TOGARAM2: variants seen among roughly 807,000 people sequenced by gnomAD.
TOGARAM2 encodes TOG array regulator of axonemal microtubules protein 2.
TOGARAM2 carries 85 observed loss-of-function variants against 93.3 expected under a neutral mutation model. The ratio of observed to expected loss-of-function variants is 0.91; its 90% confidence interval spans 0.76 to 1.09. TOGARAM2 has a LOEUF of 1.09. Ranked by LOEUF, TOGARAM2 falls within the 50% of genes least tolerant of loss-of-function variation. The probability of loss-of-function intolerance (pLI) is 0.00; values close to 1 mark genes in which losing one functional copy is unlikely to be tolerated. For missense variants in TOGARAM2, 1,277 were observed against 1,334.5 expected (o/e 0.96, Z 0.67); for synonymous variants, 593 against 552.8 (o/e 1.07, Z -1.02).
Position 29,038,405 on chromosome 2 carries a change from A to G in TOGARAM2, c.2635+1648A>G, listed in dbSNP as rs1666245882. On this transcript the variant is annotated intron_variant, in intron 18 of 19. Transcript: ENST00000379558. The stretch of plus-strand genomic sequence containing the variant: ...AATGGTGTGGCCCTCAAAGGGATGA[A>G]TGGAGTCCAGTAAATCCCTGGCAAA... Among the ~76,000 whole-genome samples the G allele has an allele frequency of 3.3e-5, 5 of 152,304 alleles. No individual in the cohort carries two copies. The South Asian group carries it at 1.0e-3, about 32-fold the overall frequency.
In TOGARAM2 at chr2:29,002,535, G is replaced by C; in HGVS notation, c.428-1G>C. 6.2e-7 allele frequency: 1 copy of C among 1,612,722 alleles called. No individual in the cohort carries two copies. On this transcript the variant is annotated splice_acceptor_variant, in intron 4 of 19. Coordinates refer to ENST00000379558, the MANE Select transcript of TOGARAM2 (RefSeq NM_199280.4). LOFTEE classifies it high-confidence loss of function. ...GATTTCCCATCCCCATCCCTGTACAGCCTCTCTGGATCCAGGGGGAGGCCC... is the reference window on the plus strand; with the variant it reads ...GATTTCCCATCCCCATCCCTGTACACCCTCTCTGGATCCAGGGGGAGGCCC...
upstream of TOGARAM2, among the ~76,000 whole-genome samples, chr2:28,979,999 G>A (rs1672117645): frequency 1.3e-5 from 2 of 152,160 alleles, no homozygotes; most frequent in South Asian, 4.1e-4. Flanking sequence ...TGTGGCTTGG[G>A]GCAAGGGCTT....
chr2:28,980,579 C>T (rs1307025510), upstream of TOGARAM2, among the ~76,000 whole-genome samples: 1 of 152,212 alleles, frequency 6.6e-6, no homozygotes, highest in Non-Finnish European at 1.5e-5. Context: ...AGGAGTGGGA[C>T]TGGCTGTCAT....
intron 18 of TOGARAM2, among the ~76,000 whole-genome samples, chr2:29,040,988 A>G (rs1444354899): frequency 3.3e-5 from 5 of 150,926 alleles, no homozygotes; most frequent in Non-Finnish European, 7.4e-5. Context: ...AAAAAATCAT[A>G]GCATAAGCAT....
intron 6 of TOGARAM2, among the ~76,000 whole-genome samples, chr2:29,004,989 T>C (rs1558421199): frequency 7.8e-6 from 1 of 128,240 alleles, no homozygotes; most frequent in Non-Finnish European, 1.7e-5. Context: ...TGTATGTGTG[T>C]GAGTGCATGT....
intron 1 of TOGARAM2, among the ~76,000 whole-genome samples, chr2:28,957,969 G>T (rs745768064): frequency 1.3e-5 from 2 of 152,092 alleles, no homozygotes; most frequent in Non-Finnish European, 2.9e-5. Context: ...TAGGATGTGA[G>T]GTAGAATGAG....
chr2:28,977,108 G>C (rs1233653122), upstream of TOGARAM2, among the ~76,000 whole-genome samples: 1 of 152,218 alleles, frequency 6.6e-6, no homozygotes, highest in African/African-American at 2.4e-5. Context: ...AGGGCTCTAA[G>C]GGACCAGGAG....
chr2:29,017,342 G>A (rs761673048), intron 9 of TOGARAM2, 38 bp downstream of exon 9: 13 of 1,523,526 alleles, frequency 8.5e-6, no homozygotes, highest in Non-Finnish European at 1.1e-5. Flanking sequence ...TCAGGCCTGG[G>A]GAGCTGAGTC....
intron 10 of TOGARAM2, chr2:29,018,213 G>A (rs1664713992): frequency 1.2e-5 from 6 of 480,542 alleles, no homozygotes; most frequent in South Asian, 7.2e-5. Context: ...TGACATGTCC[G>A]GAGGAGTGAC....
At chr2:29,009,309 C>A (rs1201949390) in intron 6 of TOGARAM2, among the ~76,000 whole-genome samples, 1 of 152,176 alleles carries the variant, frequency 6.6e-6, no homozygotes, top group African/African-American at 2.4e-5. Flanking sequence ...GCCTGTGTGC[C>A]AACTGAGAAG....
intron 1 of TOGARAM2, among the ~76,000 whole-genome samples, chr2:28,989,686 T>A (rs1672628453): frequency 6.6e-6 from 1 of 152,174 alleles, no homozygotes; most frequent in South Asian, 2.1e-4. Flanking sequence ...ATTACAGGTG[T>A]GAGCCACCAT....
rs78645264 is a variant in TOGARAM2 at position 28,996,049 on chromosome 2, G to A, written c.28+1187G>A. Among the ~76,000 whole-genome samples the A allele has an allele frequency of 8.1e-3, 1,236 of 152,352 alleles. 18 individuals are homozygous for A. The highest frequency in any genetic ancestry group is 0.028 in the African/African-American group (1,181 of 41,574). On this transcript the variant is annotated intron_variant, in intron 2 of 19. Transcript: ENST00000379558. ...CAGAGAGAGGCATGGGGAAGAGAGA[G>A]TAACACAGGGCTGTGCCTGGGGCTG...
Position 29,003,623 on chromosome 2 carries a change from T to C in TOGARAM2, c.771T>C (p.Leu257=). 1 of 1,592,846 alleles carries C rather than the reference T, an allele frequency of 6.3e-7. No homozygotes were observed. Among genetic ancestry groups the C allele is most frequent in the Non-Finnish European group, 8.5e-7 (1 of 1,170,752 alleles). ...CCCCCTCCCGTGTGCCTGGCTCCCT[T>C]CCCAGCCCGTTACCTCCAGGCCAGG... The part of the protein sequence containing the change: ...AATPSRVPGS[L]PSPLPPGQGV... The change falls in exon 6 of 20, where the codon CTT becomes CTC. Residue 257 remains leucine, a synonymous_variant. Coordinates refer to ENST00000379558, the MANE Select transcript of TOGARAM2 (RefSeq NM_199280.4).
At chr2:29,040,493 C>G (rs1666367694) in intron 18 of TOGARAM2, among the ~76,000 whole-genome samples, 1 of 152,138 alleles carries the variant, frequency 6.6e-6, no homozygotes, top group African/African-American at 2.4e-5. Context: ...ATAGCAATAA[C>G]TTTAGCATCC....
intron 3 of TOGARAM2, 22 bp downstream of exon 3, chr2:28,998,275 T>A: frequency 1.3e-6 from 2 of 1,570,088 alleles, no homozygotes; most frequent in Non-Finnish European, 1.7e-6. Context: ...AGACCTCACC[T>A]GGTCAGGGCC....
At chr2:29,039,718 G>C (rs1666320514) in intron 18 of TOGARAM2, among the ~76,000 whole-genome samples, 1 of 152,146 alleles carries the variant, frequency 6.6e-6, no homozygotes, top group African/African-American at 2.4e-5. Flanking sequence ...GGCCTCTCTG[G>C]GATTGGGGCT....
intron 7 of TOGARAM2, among the ~76,000 whole-genome samples, chr2:29,012,852 G>A (rs1572704017): frequency 6.6e-6 from 1 of 152,174 alleles, no homozygotes; most frequent in African/African-American, 2.4e-5. Flanking sequence ...CTGGCCAGGT[G>A]GTGCCTACCA....
At chr2:29,020,601 C>G (rs942606101) in intron 10 of TOGARAM2, among the ~76,000 whole-genome samples, 1 of 152,186 alleles carries the variant, frequency 6.6e-6, no homozygotes, top group Non-Finnish European at 1.5e-5. Flanking sequence ...CTGCCAGTGC[C>G]TTTTGTGGGT....
At position 29,000,728 on chromosome 2, in the gene TOGARAM2, C is replaced by G. The variant is rs544695854; in HGVS notation, c.427+1260C>G. On this transcript the variant is annotated intron_variant, in intron 4 of 19. Coordinates refer to ENST00000379558, the MANE Select transcript of TOGARAM2 (RefSeq NM_199280.4). ...TGTGCAGACTGCTCCACCTGCTGAG[C>G]CTCTCCCTGGAGCCGTGGGGTGTCT... 3.9e-5 allele frequency among the ~76,000 whole-genome samples: 6 copies of G among 152,254 alleles called. No individual in the cohort carries two copies. In the South Asian group the frequency reaches 1.2e-3, roughly 32 times the overall value.
Sources: gnomAD v4.1 joint callset for allele counts (sites outside exome capture counted in the v4.1 genomes callset) on GRCh38, gnomAD v4.1.1 for gene constraint, MANE v1.5 for transcripts, NCBI Gene and HGNC (gene_info 2026-07-23, HGNC 2026-07-21) for gene names.